PTPRD: variants seen among roughly 807,000 people sequenced by gnomAD.
PTPRD encodes receptor-type tyrosine-protein phosphatase delta.
PTPRD carries 34 observed loss-of-function variants against 214.5 expected under a neutral mutation model. The ratio of observed to expected loss-of-function variants is 0.16; its 90% confidence interval spans 0.12 to 0.21. PTPRD has a LOEUF of 0.21. Among genes scored for constraint, PTPRD ranks in the 10% least tolerant of loss-of-function variants. PTPRD has a pLI of 1.00. For missense variants in PTPRD, 2,545 were observed against 2,398.7 expected (o/e 1.06, Z -1.27); for synonymous variants, 1,128 against 845.7 (o/e 1.33, Z -5.79).
intron 13 of PTPRD, among the ~76,000 whole-genome samples, chr9:8,635,082 T>A (rs1180838905): frequency 1.4e-5 from 2 of 147,586 alleles, no homozygotes; most frequent in Admixed American, 1.4e-4. Context: ...AAATATATAT[T>A]ATATATATAT....
At chr9:9,165,650 C>G (rs772799986) in intron 10 of PTPRD, among the ~76,000 whole-genome samples, 11 of 152,102 alleles carry the variant, frequency 7.2e-5, no homozygotes, top group Admixed American at 2.6e-4. Flanking sequence ...AGGATGTCAA[C>G]TATGACTCTG....
chr9:8,656,960 G>C (rs1373786995), intron 12 of PTPRD, among the ~76,000 whole-genome samples: 18 of 152,092 alleles, frequency 1.2e-4, no homozygotes, highest in Admixed American at 1.2e-3. Flanking sequence ...CCAATAGTAA[G>C]TTGTAAAGAT....
chr9:8,588,633 T>A (rs1019293011), intron 14 of PTPRD, among the ~76,000 whole-genome samples: 1 of 152,212 alleles, frequency 6.6e-6, no homozygotes, highest in East Asian at 1.9e-4. Flanking sequence ...ATTTTCATTT[T>A]CTTCCTAGAA....
At chr9:8,446,467 GT>G (rs1472677303) in intron 34 of PTPRD, among the ~76,000 whole-genome samples, 1 of 152,154 alleles carries the variant, frequency 6.6e-6, no homozygotes, top group Non-Finnish European at 1.5e-5. Context: ...CGTAATGTTT[GT>G]TTGCTATTTT....
chr9:8,866,782 GT>G (rs34988254), intron 11 of PTPRD, among the ~76,000 whole-genome samples: 129,194 of 151,904 alleles, frequency 0.85, 54,978 homozygotes, highest in East Asian at 0.94. Flanking sequence ...CATCAAGTCA[GT>G]TTTTTTTTCC....
intron 9 of PTPRD, among the ~76,000 whole-genome samples, chr9:9,349,358 C>G (rs567580730): frequency 9.9e-5 from 15 of 152,052 alleles, no homozygotes; most frequent in African/African-American, 3.1e-4. Context: ...CCTCCAACCC[C>G]CATCTTGCAC....
At chr9:9,128,146 T>C (rs2099836954) in intron 10 of PTPRD, among the ~76,000 whole-genome samples, 1 of 152,220 alleles carries the variant, frequency 6.6e-6, no homozygotes, top group Admixed American at 6.5e-5. Flanking sequence ...AGATGCTGGA[T>C]CATCAGCTTA....
chr9:9,377,555 G>A lies in PTPRD; in HGVS notation c.-203+19894C>T, dbSNP rs1274833399. ...TTGATCCTATTATCAGAGAAACAGA[G>A]GCTTTATTTGGATATTTGTTTAAGG... is the stretch of plus-strand genomic sequence containing the variant. On this transcript the variant is annotated intron_variant, in intron 9 of 45. Coordinates refer to ENST00000381196, the MANE Select transcript of PTPRD (RefSeq NM_002839.4). Among the ~76,000 whole-genome samples, 6 of 152,202 alleles carry A rather than the reference G, an allele frequency of 3.9e-5. No homozygotes were observed. In the South Asian group the frequency reaches 1.0e-3, roughly 26 times the overall value.
intron 11 of PTPRD, among the ~76,000 whole-genome samples, chr9:8,996,121 C>G (rs922954578): frequency 1.3e-5 from 2 of 151,814 alleles, no homozygotes; most frequent in Non-Finnish European, 2.9e-5. Flanking sequence ...AGGTATTTAC[C>G]CAGGAAAGAA....
At chr9:8,775,905 A>G (rs924582147) in intron 11 of PTPRD, among the ~76,000 whole-genome samples, 1 of 152,140 alleles carries the variant, frequency 6.6e-6, no homozygotes, top group Admixed American at 6.5e-5. Flanking sequence ...ATAAACTACT[A>G]TTCACATGAA....
At chr9:8,819,104 A>G (rs1317978884) in intron 11 of PTPRD, among the ~76,000 whole-genome samples, 2 of 152,332 alleles carry the variant, frequency 1.3e-5, no homozygotes, top group Non-Finnish European at 2.9e-5. Context: ...ATAAAAATGT[A>G]TCCTTAACGT....
At chr9:8,661,567 G>C (rs1455253531) in intron 12 of PTPRD, among the ~76,000 whole-genome samples, 1 of 152,072 alleles carries the variant, frequency 6.6e-6, no homozygotes, top group African/African-American at 2.4e-5. Flanking sequence ...AAGAATAGCT[G>C]TAATTTTACA....
chr9:8,815,112 T>A (rs1247412759), intron 11 of PTPRD, among the ~76,000 whole-genome samples: 1 of 152,070 alleles, frequency 6.6e-6, no homozygotes, highest in Non-Finnish European at 1.5e-5. Flanking sequence ...AATTTAGTTT[T>A]TTTTTTTTCA....
intron 3 of PTPRD, among the ~76,000 whole-genome samples, chr9:10,265,775 C>A (rs1443247842): frequency 6.6e-6 from 1 of 152,178 alleles, no homozygotes; most frequent in East Asian, 1.9e-4. Context: ...TGTTTTAAGC[C>A]AGTAAGGTCT....
intron 11 of PTPRD, among the ~76,000 whole-genome samples, chr9:8,853,536 T>C (rs2097857657): frequency 6.6e-6 from 1 of 152,188 alleles, no homozygotes; most frequent in South Asian, 2.1e-4. Flanking sequence ...ATAGAAAATG[T>C]ATCCCAAACA....
At chr9:9,929,875 G>C (rs574940151) in intron 5 of PTPRD, among the ~76,000 whole-genome samples, 1 of 152,202 alleles carries the variant, frequency 6.6e-6, no homozygotes, top group South Asian at 2.1e-4. Context: ...AATTACAGCT[G>C]GTCTGTTTTC....
intron 11 of PTPRD, among the ~76,000 whole-genome samples, chr9:8,924,086 A>G (rs1478071863): frequency 6.7e-6 from 1 of 148,838 alleles, no homozygotes; most frequent in Non-Finnish European, 1.5e-5. Flanking sequence ...TATGTCTACT[A>G]TTTGTCTTCA....
At position 8,659,960 on chromosome 9, in the gene PTPRD, G is replaced by A. The variant is rs2097001697; in HGVS notation, c.65-23116C>T. 2.0e-5 allele frequency among the ~76,000 whole-genome samples: 3 copies of A among 152,172 alleles called. No individual in the cohort carries two copies. The South Asian group carries it at 6.2e-4, about 32-fold the overall frequency. On this transcript the variant is annotated intron_variant, in intron 12 of 45. Coordinates refer to ENST00000381196, the MANE Select transcript of PTPRD (RefSeq NM_002839.4). ...GAGAGAGACTGGTTCAAAAGATAAT[G>A]CAATATCATACCTATTATAAGAAAA...
chr9:10,290,153 T>A (rs1397818923), intron 3 of PTPRD, among the ~76,000 whole-genome samples: 1 of 152,146 alleles, frequency 6.6e-6, no homozygotes, highest in Non-Finnish European at 1.5e-5. Flanking sequence ...AAATGGTGAT[T>A]GTGAGTGGGT....
Sources: gnomAD v4.1 joint callset for allele counts (sites outside exome capture counted in the v4.1 genomes callset) on GRCh38, gnomAD v4.1.1 for gene constraint, MANE v1.5 for transcripts, NCBI Gene and HGNC (gene_info 2026-07-23, HGNC 2026-07-21) for gene names.